The following IGSF21 variants were observed in gnomAD, a reference collection of about 807,000 sequenced individuals.
The protein encoded by IGSF21 is immunoglobulin superfamily member 21.
A neutral mutation model predicts 46.8 loss-of-function variants in IGSF21; 28 were observed. That is an observed-to-expected ratio of 0.60 (90% CI 0.44 to 0.82). The LOEUF (loss-of-function observed/expected upper bound fraction) is 0.82. IGSF21 is among the 40% of genes least tolerant of loss of function. The pLI, the probability that IGSF21 is intolerant of heterozygous loss-of-function variation, is 0.00. For synonymous variants in IGSF21, 284 were observed against 273.6 expected, an observed-to-expected ratio of 1.04 and a Z score of -0.38; for missense variants, 624 against 665.5, an observed-to-expected ratio of 0.94 and a Z score of 0.69.
At chr1:18,128,579 G>T (rs532110936) in intron 1 of IGSF21, among the ~76,000 whole-genome samples, 1 of 152,246 alleles carries the variant, frequency 6.6e-6, no homozygotes, top group East Asian at 1.9e-4. Flanking sequence ...GGGGAGACCC[G>T]AGGAAAGAGC....
chr1:18,374,434 A>G (rs1396684727), intron 6 of IGSF21, among the ~76,000 whole-genome samples: 3 of 152,136 alleles, frequency 2.0e-5, no homozygotes, highest in Non-Finnish European at 4.4e-5. Context: ...CATTGTTCCC[A>G]TGGTGCACTT....
chr1:18,139,328 C>T (rs1339468891), intron 1 of IGSF21, among the ~76,000 whole-genome samples: 2 of 151,472 alleles, frequency 1.3e-5, no homozygotes, highest in Non-Finnish European at 2.9e-5. Context: ...GGGCATCTGA[C>T]TCAAAGCTCA....
intron 1 of IGSF21, among the ~76,000 whole-genome samples, chr1:18,172,800 G>A (rs1421617132): frequency 2.0e-5 from 3 of 152,180 alleles, no homozygotes; most frequent in East Asian, 1.9e-4. Flanking sequence ...ACTCACAGAT[G>A]TGAAGTGACT....
Position 18,365,193 on chromosome 1 carries a change from C to A in IGSF21, c.541-30C>A. The A allele has an allele frequency of 1.9e-6, 3 of 1,543,308 alleles. No individual in the cohort carries two copies. Among genetic ancestry groups the A allele is most frequent in the South Asian group, 2.4e-5 (2 of 82,564 alleles). On this transcript the variant is annotated intron_variant, in intron 5 of 9. Coordinates refer to ENST00000251296, the MANE Select transcript of IGSF21 (RefSeq NM_032880.5). The surrounding 1 kb of genome is among the most constrained non-coding windows in gnomAD (Gnocchi z 4.8). The stretch of plus-strand genomic sequence containing the variant: ...GAGGTTGAAGTTAGTAGCACAAAAT[C>A]ATTTTCCCACACCCTCCTTACAATG...
At chr1:18,352,361 T>C (rs79450155) in intron 4 of IGSF21, among the ~76,000 whole-genome samples, 2,773 of 152,276 alleles carry the variant, frequency 0.018, 91 homozygotes, top group African/African-American at 0.063. Context: ...TGAACTTGGA[T>C]TAGAATCTCA....
intron 1 of IGSF21, among the ~76,000 whole-genome samples, chr1:18,131,049 T>C (rs1037519532): frequency 1.3e-5 from 2 of 152,208 alleles, no homozygotes; most frequent in East Asian, 3.9e-4. Context: ...GAGCTGCATG[T>C]CTTGACCTCC....
chr1:18,299,886 G>A (rs851442), intron 3 of IGSF21, among the ~76,000 whole-genome samples: 3 of 152,074 alleles, frequency 2.0e-5, no homozygotes, highest in African/African-American at 7.2e-5. Flanking sequence ...AGGGTTGCAG[G>A]TCTCCTCCCA....
Position 18,227,985 on chromosome 1 carries a change from G to C in IGSF21, c.158G>C (p.Arg53Pro), listed in dbSNP as rs748938162. 1 of 1,613,820 alleles carries C rather than the reference G, an allele frequency of 6.2e-7. No homozygotes were observed. The highest frequency in any genetic ancestry group is 1.7e-5 in the Admixed American group (1 of 60,010). The stretch of plus-strand genomic sequence containing the variant: ...AAGTGTAACTTCAAGACAGATGGGC[G>C]CATGCGGGAGATCGTGTGGTACCGG... ...TLKCNFKTDG[R>P]MREIVWYRVT... The change falls in exon 2 of 10, where the codon CGC (arginine) becomes CCC (proline). Residue 53 changes from arginine to proline, a missense_variant. Coordinates refer to ENST00000251296, the MANE Select transcript of IGSF21 (RefSeq NM_032880.5).
intron 6 of IGSF21, among the ~76,000 whole-genome samples, chr1:18,369,347 GTCTCCTTTAAACCTGCAGTGAACC>G (rs1462418042): frequency 2.0e-5 from 3 of 152,320 alleles, no homozygotes; most frequent in Non-Finnish European, 4.4e-5. Context: ...TCCTCACCAG[GTCTCCTTTAAACCTGCAGTGAACC>G]TGTGAGGCCG....
intron 2 of IGSF21, among the ~76,000 whole-genome samples, chr1:18,289,091 C>A (rs1222837210): frequency 6.6e-6 from 1 of 152,062 alleles, no homozygotes; most frequent in Non-Finnish European, 1.5e-5. Flanking sequence ...CGTAATAAAA[C>A]CCTCAGTCTC....
chr1:18,375,609 A>G (rs2086272478), intron 6 of IGSF21, among the ~76,000 whole-genome samples: 1 of 152,210 alleles, frequency 6.6e-6, no homozygotes, highest in Non-Finnish European at 1.5e-5. Flanking sequence ...GAGGCTGTGC[A>G]CAAGGAAGGA....
intron 2 of IGSF21, among the ~76,000 whole-genome samples, chr1:18,231,396 G>C (rs2084624262): frequency 6.6e-6 from 1 of 152,184 alleles, no homozygotes; most frequent in Non-Finnish European, 1.5e-5. Context: ...ACCCCTCAAG[G>C]GAGGGGAAGG....
chr1:18,225,085 T>TCTCTCTCTCTCACACACACACA lies in IGSF21; in HGVS notation c.71-2812_71-2811insTCTCTCTCTCACACACACACAC. ...GTATCTCTCTCTCTCTCTCTCTCTC[T>TCTCTCTCTCTCACACACACACA]CACACACACACACACACACACACAC... On this transcript the variant is annotated intron_variant, in intron 1 of 9. Coordinates refer to ENST00000251296, the MANE Select transcript of IGSF21 (RefSeq NM_032880.5). 2.5e-3 allele frequency among the ~76,000 whole-genome samples: 129 copies of TCTCTCTCTCTCACACACACACA among 51,528 alleles called. 1 individual carries two copies. The East Asian group carries it at 0.025, about 10-fold the overall frequency. The allele number at this position is 51,528 out of a possible 152,430, so 33.8% of individuals were successfully genotyped here. A position where few individuals can be genotyped will look rare whatever the true frequency, so the allele number is the denominator to read the frequency against.
chr1:18,361,979 C>A (rs1370159021), intron 4 of IGSF21, 136 bp from the exon 5 acceptor site: 1 of 624,264 alleles, frequency 1.6e-6, no homozygotes, highest in Non-Finnish European at 2.9e-6. Context: ...CCAATGGCAC[C>A]CCCTGGAGTT....
intron 1 of IGSF21, among the ~76,000 whole-genome samples, chr1:18,118,958 T>G (rs1272605094): frequency 2.0e-5 from 3 of 148,946 alleles, no homozygotes; most frequent in Non-Finnish European, 1.5e-5. Context: ...CTTGTCTGAT[T>G]GAGGAACTGA....
chr1:18,229,130 T>C (rs1437493446), intron 2 of IGSF21, among the ~76,000 whole-genome samples: 1 of 151,674 alleles, frequency 6.6e-6, no homozygotes, highest in Non-Finnish European at 1.5e-5. Flanking sequence ...GAAACCACGC[T>C]TTCCTAATCT....
At chr1:18,259,286 A>G (rs977673022) in intron 2 of IGSF21, among the ~76,000 whole-genome samples, 2 of 152,090 alleles carry the variant, frequency 1.3e-5, no homozygotes, top group Admixed American at 6.5e-5. Flanking sequence ...CTAAGTCTCA[A>G]TTTCTTCATC....
chr1:18,284,286 G>C (rs1317659099), intron 2 of IGSF21, among the ~76,000 whole-genome samples: 1 of 152,200 alleles, frequency 6.6e-6, no homozygotes, highest in Non-Finnish European at 1.5e-5. Context: ...AAGTGAACAG[G>C]AAGTCCGTTC....
chr1:18,307,234 C>T (rs144845630), intron 3 of IGSF21, among the ~76,000 whole-genome samples: 1 of 152,046 alleles, frequency 6.6e-6, no homozygotes, highest in Non-Finnish European at 1.5e-5. Flanking sequence ...ATAACTCTCC[C>T]TCCTCCTCCC....
Sources: allele counts gnomAD v4.1 joint callset (sites outside exome capture counted in the v4.1 genomes callset), GRCh38; gene constraint gnomAD v4.1.1; non-coding constraint Gnocchi (gnomAD v3.1); transcripts MANE v1.5; gene names NCBI Gene and HGNC (gene_info 2026-07-23, HGNC 2026-07-21).